Variants in SIL1 observed in about 807,000 individuals in gnomAD.
SIL1 encodes SIL1 nucleotide exchange factor.
A neutral mutation model predicts 49.1 loss-of-function variants in SIL1; 40 were observed. The ratio of observed to expected loss-of-function variants is 0.81; its 90% CI spans 0.63 to 1.06. The LOEUF (loss-of-function observed/expected upper bound fraction) is 1.06, where lower values mean the gene tolerates loss of function less well. SIL1 is among the 50% of genes least tolerant of loss of function. The pLI, the probability that SIL1 is intolerant of heterozygous loss-of-function variation, is 0.00. For missense variants in SIL1, 500 were observed against 572.6 expected, an observed-to-expected ratio of 0.87 and a Z score of 1.29; for synonymous variants, 253 against 250.8, an observed-to-expected ratio of 1.01 and a Z score of -0.08.
chr5:139,141,535 T>C (rs1171695825), intron 1 of SIL1, among the ~76,000 whole-genome samples: 1 of 151,982 alleles, frequency 6.6e-6, no homozygotes, highest in African/African-American at 2.4e-5. Context: ...GATGCAACTA[T>C]GGTCTCAACT....
intron 3 of SIL1, among the ~76,000 whole-genome samples, chr5:139,109,360 C>T (rs1000548464): frequency 1.3e-5 from 2 of 152,128 alleles, no homozygotes; most frequent in Non-Finnish European, 2.9e-5. Context: ...TGTTTAGGGA[C>T]ATAAGAATTA....
intron 3 of SIL1, among the ~76,000 whole-genome samples, chr5:139,090,320 T>G (rs1167614374): frequency 6.6e-6 from 1 of 152,204 alleles, no homozygotes; most frequent in Non-Finnish European, 1.5e-5. Context: ...TACCTGACTG[T>G]TAAGAGTTGA....
intron 3 of SIL1, among the ~76,000 whole-genome samples, chr5:139,084,724 T>G (rs1770172329): frequency 1.4e-5 from 2 of 147,590 alleles, no homozygotes; most frequent in African/African-American, 5.0e-5. Context: ...GCATGGCACA[T>G]GTATACATAT....
At chr5:138,991,255 C>G (rs1450789265) in intron 7 of SIL1, among the ~76,000 whole-genome samples, 1 of 152,204 alleles carries the variant, frequency 6.6e-6, no homozygotes, top group Admixed American at 6.5e-5. Flanking sequence ...AGCTGTGGGA[C>G]CAAGGCAACT....
At chr5:138,973,545 C>T (rs1209397010) in intron 7 of SIL1, among the ~76,000 whole-genome samples, 1 of 152,112 alleles carries the variant, frequency 6.6e-6, no homozygotes, top group Non-Finnish European at 1.5e-5. Flanking sequence ...CACTACATCC[C>T]TGAGCTCCCA....
intron 1 of SIL1, among the ~76,000 whole-genome samples, chr5:139,162,833 G>A (rs949061509): frequency 1.3e-5 from 2 of 152,036 alleles, no homozygotes; most frequent in Non-Finnish European, 2.9e-5. Flanking sequence ...AGGGAAAACA[G>A]AGTCAACAAG....
At chr5:138,983,766 A>G (rs1202905113) in intron 7 of SIL1, among the ~76,000 whole-genome samples, 1 of 152,248 alleles carries the variant, frequency 6.6e-6, no homozygotes. Flanking sequence ...GTGATGCCCA[A>G]GCAGACAGAC....
chr5:139,027,838 G>T (rs528452521), intron 5 of SIL1, among the ~76,000 whole-genome samples: 2 of 152,154 alleles, frequency 1.3e-5, no homozygotes, highest in East Asian at 1.9e-4. Context: ...GCCGGATGAT[G>T]AACAGCTGTC....
intron 5 of SIL1, among the ~76,000 whole-genome samples, chr5:139,029,228 G>C (rs1768731183): frequency 6.6e-6 from 1 of 152,232 alleles, no homozygotes; most frequent in Non-Finnish European, 1.5e-5. Context: ...TGTACATGGA[G>C]TTATAGAAGA....
At chr5:139,073,138 A>G (rs1769872616) in intron 3 of SIL1, among the ~76,000 whole-genome samples, 1 of 152,238 alleles carries the variant, frequency 6.6e-6, no homozygotes, top group Admixed American at 6.5e-5. Flanking sequence ...TATGAAAAAT[A>G]GTATGGAGGT....
At chr5:139,175,384 C>G (rs141005482) in intron 1 of SIL1, among the ~76,000 whole-genome samples, 1 of 152,058 alleles carries the variant, frequency 6.6e-6, no homozygotes, top group Non-Finnish European at 1.5e-5. Flanking sequence ...AGCTTGATAA[C>G]CTAGATATGG....
At chr5:139,114,096 T>C (rs1403019935) in intron 3 of SIL1, among the ~76,000 whole-genome samples, 2 of 152,226 alleles carry the variant, frequency 1.3e-5, no homozygotes, top group Non-Finnish European at 2.9e-5. Context: ...GATTGCAAAC[T>C]GGACCCTGGC....
At chr5:139,116,317 T>C (rs997588011) in intron 3 of SIL1, among the ~76,000 whole-genome samples, 1 of 152,134 alleles carries the variant, frequency 6.6e-6, no homozygotes, top group Non-Finnish European at 1.5e-5. Flanking sequence ...TTTCTTTTTC[T>C]TTTTTTTCCC....
chr5:139,033,615 C>T (rs1490526881), intron 5 of SIL1, among the ~76,000 whole-genome samples: 1 of 151,486 alleles, frequency 6.6e-6, no homozygotes, highest in African/African-American at 2.4e-5. Flanking sequence ...TCCTCTTTGA[C>T]TTGACTGGAG....
intron 7 of SIL1, among the ~76,000 whole-genome samples, chr5:138,997,794 A>G (rs1581016458): frequency 6.6e-6 from 1 of 152,136 alleles, no homozygotes; most frequent in East Asian, 1.9e-4. Flanking sequence ...CCTGACCTCA[A>G]GTGATCCACC....
chr5:139,107,859 A>G (rs1770751581), intron 3 of SIL1: 1 of 152,222 alleles, frequency 6.6e-6, no homozygotes, highest in Non-Finnish European at 1.5e-5. Flanking sequence ...TAACCCTCTG[A>G]AGTAGGCATT....
rs145821238 is a variant in SIL1, at chr5:138,948,299, G to A, written c.1030-826C>T. 3.0e-4 allele frequency among the ~76,000 whole-genome samples: 45 copies of A among 152,252 alleles called. No homozygotes were observed. Among genetic ancestry groups the A allele is most frequent in the Non-Finnish European group, 4.0e-4 (27 of 68,006 alleles). ...TGCAATCCTGCATCCTGGGACAGGAGAGGCTGAGAGGTATCCCCTAGTCCT... is the reference window on the plus strand; with the variant it reads ...TGCAATCCTGCATCCTGGGACAGGAAAGGCTGAGAGGTATCCCCTAGTCCT... On this transcript the variant is annotated intron_variant, in intron 9 of 9. Coordinates refer to ENST00000394817, the MANE Select transcript of SIL1 (RefSeq NM_022464.5). This position sits in a 1 kb window ranked among gnomAD's most constrained non-coding sequence, Gnocchi z 4.8.
chr5:139,151,592 T>A (rs1476892588), intron 1 of SIL1, among the ~76,000 whole-genome samples: 1 of 152,240 alleles, frequency 6.6e-6, no homozygotes, highest in Admixed American at 6.5e-5. Context: ...TAAAAATTTA[T>A]CTAATTTGGC....
At chr5:139,135,050 GA>G (rs1006979609) in intron 1 of SIL1, among the ~76,000 whole-genome samples, 6 of 152,172 alleles carry the variant, frequency 3.9e-5, no homozygotes, top group Admixed American at 3.3e-4. Flanking sequence ...AGAATAATTT[GA>G]AGGACAAGAA....
Sources: allele counts gnomAD v4.1 joint callset (sites outside exome capture counted in the v4.1 genomes callset), GRCh38; gene constraint gnomAD v4.1.1; non-coding constraint Gnocchi (gnomAD v3.1); transcripts MANE v1.5; gene names NCBI Gene and HGNC (gene_info 2026-07-23, HGNC 2026-07-21).